Variants in YJU2B observed in about 807,000 individuals in gnomAD.
The protein encoded by YJU2B is probable splicing factor YJU2B.
YJU2B carries 18 observed loss-of-function variants against 38.0 expected under a neutral mutation model. The ratio of observed to expected loss-of-function variants is 0.47; its 90% CI spans 0.33 to 0.70. YJU2B has a LOEUF of 0.70. Ranked by LOEUF, YJU2B falls within the 30% of genes least tolerant of loss-of-function variation. YJU2B has a pLI of 0.02. For missense variants in YJU2B, 538 were observed against 556.3 expected (o/e 0.97, Z 0.33); for synonymous variants, 246 against 225.4 (o/e 1.09, Z -0.82).
intron 2 of YJU2B, among the ~76,000 whole-genome samples, chr19:13,740,949 G>T (rs1354776539): frequency 6.6e-6 from 1 of 152,118 alleles, no homozygotes; most frequent in Non-Finnish European, 1.5e-5. Context: ...CTGCGCATAG[G>T]GTTCAGCTAA....
chr19:13,755,831 G>A (rs1011838855), intron 3 of YJU2B, among the ~76,000 whole-genome samples: 10 of 151,640 alleles, frequency 6.6e-5, no homozygotes, highest in Non-Finnish European at 1.2e-4. Context: ...GGTGGCAGGC[G>A]CCTGTAATCC....
intron 4 of YJU2B, among the ~76,000 whole-genome samples, 152 bp from the exon 5 acceptor site, chr19:13,757,265 AT>A (rs1300110525): frequency 6.6e-6 from 1 of 151,964 alleles, no homozygotes; most frequent in African/African-American, 2.4e-5. Context: ...CCATATATCC[AT>A]TTCCTGTGTA....
intron 8 of YJU2B, chr19:13,759,588 C>G (rs1352152269): frequency 8.4e-6 from 2 of 238,010 alleles, no homozygotes; most frequent in South Asian, 1.7e-4. Flanking sequence ...CACCCCCCCC[C>G]TCCCCCAGCA....
At chr19:13,750,857 C>CAAAA (rs908775840) in intron 1 of YJU2B, among the ~76,000 whole-genome samples, 14 of 61,986 alleles carry the variant, frequency 2.3e-4, no homozygotes, top group Non-Finnish European at 3.8e-4. Flanking sequence ...GACTCCGTCT[C>CAAAA]AAAAAAAAAA....
At chr19:13,754,762 G>T (rs73922728) in intron 3 of YJU2B, among the ~76,000 whole-genome samples, 1,720 of 152,118 alleles carry the variant, frequency 0.011, 43 homozygotes, top group African/African-American at 0.039. Flanking sequence ...CTGTTGCATT[G>T]CTGAGCACTT....
upstream of YJU2B, among the ~76,000 whole-genome samples, chr19:13,745,433 T>G (rs969705747): frequency 2.7e-5 from 4 of 150,892 alleles, no homozygotes; most frequent in Non-Finnish European, 4.4e-5. Flanking sequence ...GAGGCCGAGG[T>G]GGGCAGATCA....
chr19:13,758,902 A>C lies in YJU2B; in HGVS notation c.292A>C (p.Ile98Leu). 1.2e-6 allele frequency: 2 copies of C among 1,613,858 alleles called. No individual in the cohort carries two copies. Among genetic ancestry groups the C allele is most frequent in the Non-Finnish European group, 1.7e-6 (2 of 1,179,972 alleles). ...RMKCHLCVNY[I>L]EMQTDPANCD... ...GAAATGCCACCTCTGTGTCAACTAC[A>C]TCGAGATGCAGACGGACCCCGCCAA... Residue 98 changes from isoleucine to leucine, a missense_variant, in exon 7 of 10, where the codon ATC becomes CTC. Ile to Leu is a conservative substitution (Grantham distance 5). Transcript: ENST00000221554.
upstream of YJU2B, among the ~76,000 whole-genome samples, chr19:13,746,407 C>A (rs1046090998): frequency 3.9e-5 from 6 of 152,156 alleles, no homozygotes; most frequent in African/African-American, 1.4e-4. Flanking sequence ...CTGTGGCAAC[C>A]ACTGAATTCA....
upstream of YJU2B, among the ~76,000 whole-genome samples, chr19:13,745,727 C>CTA (rs59968833): frequency 0.015 from 1,246 of 84,188 alleles, 29 homozygotes; most frequent in African/African-American, 0.048. Context: ...CTATAGATAT[C>CTA]TATATATATA....
rs1228166318 is a variant in YJU2B, at chr19:13,762,733, T to C, written c.856T>C (p.Ser286Pro). The C allele has an allele frequency of 6.2e-7, 1 of 1,608,062 alleles. No homozygotes were observed. The highest frequency in any genetic ancestry group is 1.7e-5 in the Admixed American group (1 of 59,800). Residue 286 changes from serine to proline, a missense_variant, in exon 10 of 10, where the codon TCC becomes CCC. Physicochemically the swap from Ser to Pro is moderately conservative, Grantham distance 74 (BLOSUM62 -1). This residue lies in a region of YJU2B where 488 missense variants were observed against 469.5 expected (regional missense o/e 1.04). Transcript: ENST00000221554. ...AQSRRTALAT[S>P]PITVGDLGIV... Reference sequence around the variant, plus strand: ...GAGCCGCAGAACCGCGCTTGCCACCTCCCCCATCACCGTCGGGGACCTGGG... The same window carrying C: ...GAGCCGCAGAACCGCGCTTGCCACCCCCCCCATCACCGTCGGGGACCTGGG...
At chr19:13,757,526 T>A in intron 5 of YJU2B, 53 bp downstream of exon 5, 1 of 1,218,846 alleles carries the variant, frequency 8.2e-7, no homozygotes, top group Non-Finnish European at 1.2e-6. Context: ...ACCCCCTAAC[T>A]GCTGGATGCC....
chr19:13,743,154 T>TTTTTTTTTTTTTTTTTTTTTTGAGACGG (rs1568279372), upstream of YJU2B, among the ~76,000 whole-genome samples: 3 of 152,178 alleles, frequency 2.0e-5, no homozygotes, highest in Admixed American at 6.6e-5. Context: ...GGGGGTTTTT[T>TTTTTTTTTTTTTTTTTTTTTTGAGACGG]AAGGCAGGTG....
At chr19:13,751,092 G>T (rs2145130223) in intron 1 of YJU2B, among the ~76,000 whole-genome samples, 1 of 152,178 alleles carries the variant, frequency 6.6e-6, no homozygotes, top group East Asian at 1.9e-4. Flanking sequence ...CATGGGAGGG[G>T]TTTAAGCAGG....
At chr19:13,739,565 C>A (rs1973040816) in intron 2 of YJU2B, among the ~76,000 whole-genome samples, 2 of 152,160 alleles carry the variant, frequency 1.3e-5, no homozygotes, top group African/African-American at 4.8e-5. Context: ...CTCCCTGATA[C>A]TGGCACCACT....
intron 9 of YJU2B, 33 bp from the exon 10 acceptor site, chr19:13,762,557 G>A (rs763537176): frequency 2.6e-6 from 4 of 1,532,112 alleles, no homozygotes; most frequent in Non-Finnish European, 3.5e-6. Context: ...CCCCTCCCCT[G>A]CCGCCCCTGA....
rs1258840791 is a variant in YJU2B at position 13,762,859 on chromosome 19, G to C, written c.982G>C (p.Asp328His). 1.9e-6 allele frequency: 3 copies of C among 1,608,304 alleles called. No individual in the cohort carries two copies. Among genetic ancestry groups the C allele is most frequent in the East Asian group, 4.5e-5 (2 of 44,716 alleles). The change falls in exon 10 of 10, where the codon GAC becomes CAC. Residue 328 changes from aspartate (D) to histidine (H), a missense_variant. Coordinates refer to ENST00000221554, the MANE Select transcript of YJU2B (RefSeq NM_030818.4). ...GCGGGTACCAGAGGAGGCTGCCCAG[G>C]ACCGGCCCATGTCCCCCGGAGACTG... ...EPRVPEEAAQ[D>H]RPMSPGDCPP...
chr19:13,758,942 TC>T lies in YJU2B; in HGVS notation c.333del (p.Ile111MetfsTer2). On this transcript the variant is annotated frameshift_variant, in exon 7 of 10. Transcript: ENST00000221554. LOFTEE classifies it high-confidence loss of function. ...QTDPANCDYV[I>X]VSGAQRKEER... ...GACCCCGCCAACTGCGACTACGTGATCGTGAGTGGCGCCCAGCGCAAGGAGG... is the reference window on the plus strand; with the variant it reads ...GACCCCGCCAACTGCGACTACGTGATGTGAGTGGCGCCCAGCGCAAGGAGG... 1 of 1,614,062 alleles carries T rather than the reference TC, an allele frequency of 6.2e-7. No individual in the cohort carries two copies. Among genetic ancestry groups the T allele is most frequent in the South Asian group, 1.1e-5 (1 of 91,084 alleles).
At chr19:13,755,808 A>C (rs2145149249) in intron 3 of YJU2B, among the ~76,000 whole-genome samples, 1 of 152,016 alleles carries the variant, frequency 6.6e-6, no homozygotes, top group East Asian at 2.0e-4. Flanking sequence ...ATACAAAAAA[A>C]ATAGCCGGGC....
chr19:13,741,151 CTTT>C (rs71170552), intron 2 of YJU2B, among the ~76,000 whole-genome samples: 6 of 100,818 alleles, frequency 6.0e-5, no homozygotes, highest in Non-Finnish European at 7.9e-5. Context: ...TTATAGATTT[CTTT>C]TTTTTTTTTT....
Sources: allele counts gnomAD v4.1 joint callset (sites outside exome capture counted in the v4.1 genomes callset), GRCh38; gene constraint gnomAD v4.1.1; regional missense constraint gnomAD v4.1.1; transcripts MANE v1.5; gene names NCBI Gene and HGNC (gene_info 2026-07-23, HGNC 2026-07-21).